XYLT1: variants seen among roughly 807,000 people sequenced by gnomAD.
XYLT1 encodes the protein beta-D-xylosyltransferase 1.
In XYLT1, 36 loss-of-function variants were observed where a neutral mutation model predicts 91.3. That is an observed-to-expected ratio of 0.39 (90% CI 0.30 to 0.52). The LOEUF (loss-of-function observed/expected upper bound fraction) is 0.52, where lower values mean the gene tolerates loss of function less well. Ranked by LOEUF, XYLT1 falls within the 20% of genes least tolerant of loss-of-function variation. The pLI, the probability that XYLT1 is intolerant of heterozygous loss-of-function variation, is 0.68. For missense variants in XYLT1, 1,242 were observed against 1,284.5 expected (o/e 0.97, Z 0.51); for synonymous variants, 588 against 532.0 (o/e 1.11, Z -1.45).
intron 9 of XYLT1, among the ~76,000 whole-genome samples, chr16:17,133,750 G>GAATT (rs928164853): frequency 6.6e-6 from 1 of 152,140 alleles, no homozygotes; most frequent in Admixed American, 6.5e-5. Flanking sequence ...GGATTATGTT[G>GAATT]AATTATTTTC....
chr16:17,396,059 C>T (rs918614624), intron 1 of XYLT1, among the ~76,000 whole-genome samples: 3 of 152,168 alleles, frequency 2.0e-5, no homozygotes, highest in Non-Finnish European at 2.9e-5. Context: ...GCCAAATTCT[C>T]GACGCATGAA....
intron 6 of XYLT1, among the ~76,000 whole-genome samples, chr16:17,143,012 A>G (rs1288924183): frequency 6.6e-6 from 1 of 152,120 alleles, no homozygotes; most frequent in Non-Finnish European, 1.5e-5. Context: ...TGTAGTAACT[A>G]TATACATATA....
intron 3 of XYLT1, among the ~76,000 whole-genome samples, chr16:17,210,651 ATCT>A (rs1276810349): frequency 1.3e-5 from 2 of 152,146 alleles, no homozygotes. Flanking sequence ...GGCTCAAGTG[ATCT>A]TCCCCCTTCA....
chr16:17,252,062 T>A (rs2033549093), intron 3 of XYLT1, among the ~76,000 whole-genome samples: 2 of 152,142 alleles, frequency 1.3e-5, no homozygotes. Flanking sequence ...TTCCTCTTCT[T>A]GTCGCCCCTT....
chr16:17,111,958 G>A (rs1311028361), intron 11 of XYLT1, among the ~76,000 whole-genome samples: 2 of 152,164 alleles, frequency 1.3e-5, no homozygotes, highest in East Asian at 3.9e-4. Flanking sequence ...GCTGTCTTTG[G>A]TGCGGGCCCT....
intron 3 of XYLT1, among the ~76,000 whole-genome samples, chr16:17,217,476 T>C (rs1401768348): frequency 6.6e-6 from 1 of 152,228 alleles, no homozygotes; most frequent in Non-Finnish European, 1.5e-5. Flanking sequence ...TAATCATGTA[T>C]GTTCTGCTTT....
At position 17,259,522 on chromosome 16, in the gene XYLT1, G is replaced by A. The variant is rs376903044; in HGVS notation, c.403-24C>T. On this transcript the variant is annotated intron_variant, in intron 2 of 11. Transcript: ENST00000261381. ...TCCTGGAGAAGAGGGGAGAGAAACA[G>A]AAGAGAAACTTGACTGAGAGATCAT... is the stretch of plus-strand genomic sequence containing the variant. 6.9e-6 allele frequency: 11 copies of A among 1,595,226 alleles called. No individual in the cohort carries two copies. The African/African-American group carries it at 1.3e-4, about 19-fold the overall frequency.
In XYLT1 at chr16:17,104,814, T is replaced by G. The variant is rs552555800; in HGVS notation, c.*3881A>C. On this transcript the variant is annotated 3_prime_UTR_variant, in exon 12 of 12. Transcript: ENST00000261381. ...GTAGCAGCTGCTCATTCTGGGTAGG[T>G]CACGTGCATGCCAGTAAGACCACAG... 8 of 152,342 alleles carry G rather than the reference T, an allele frequency of 5.3e-5. No homozygotes were observed. The highest frequency in any genetic ancestry group is 1.9e-4 in the African/African-American group (8 of 41,556). The allele number at this position is 152,342 out of a possible 1,614,324, so 9.4% of individuals were successfully genotyped here. A position where few individuals can be genotyped will look rare whatever the true frequency, so the allele number is the denominator to read the frequency against.
rs564903479 is a variant in XYLT1, at chr16:17,104,610, C to G, written c.*4085G>C. 1.3e-5 allele frequency: 2 copies of G among 152,142 alleles called. No individual in the cohort carries two copies. The highest frequency in any genetic ancestry group is 2.9e-5 in the Non-Finnish European group (2 of 68,028). 9.4% of individuals were successfully genotyped at this position (152,142 alleles called of 1,614,324 possible). On this transcript the variant is annotated 3_prime_UTR_variant, in exon 12 of 12. Coordinates refer to ENST00000261381, the MANE Select transcript of XYLT1 (RefSeq NM_022166.4). ...GGTTGCTGGCAGTGTACACGTGGAA[C>G]AGTGGAATTTTTCTTTGCCCACTAT...
At chr16:17,229,617 G>A (rs1434317349) in intron 3 of XYLT1, among the ~76,000 whole-genome samples, 1 of 152,220 alleles carries the variant, frequency 6.6e-6, no homozygotes, top group African/African-American at 2.4e-5. Flanking sequence ...CCTAACAGAG[G>A]TGATCCATTC....
chr16:17,337,428 G>T (rs957276065), intron 2 of XYLT1, among the ~76,000 whole-genome samples: 1 of 152,132 alleles, frequency 6.6e-6, no homozygotes, highest in Non-Finnish European at 1.5e-5. Flanking sequence ...CAAGCGATTG[G>T]CCAGCCTCAG....
chr16:17,376,266 C>G (rs1389399252), intron 1 of XYLT1, among the ~76,000 whole-genome samples: 2 of 152,166 alleles, frequency 1.3e-5, no homozygotes, highest in Non-Finnish European at 2.9e-5. Context: ...GGATGGCGCT[C>G]CATATCCTAC....
chr16:17,298,036 T>A (rs950288808), intron 2 of XYLT1, among the ~76,000 whole-genome samples: 3 of 150,236 alleles, frequency 2.0e-5, no homozygotes, highest in Non-Finnish European at 3.0e-5. Context: ...AAAAAAAAAA[T>A]TATTCCTGCC....
rs760492677 is a variant in XYLT1 at position 17,393,448 on chromosome 16, C to G, written c.364-35398G>C. Among the ~76,000 whole-genome samples, 63 of 152,242 alleles carry G rather than the reference C, an allele frequency of 4.1e-4. 1 individual carries two copies. The highest frequency in any genetic ancestry group is 2.9e-3 in the East Asian group (15 of 5,180). ...CATGAAGTAATTCTCATCATCCCCC[C>G]CAACCACCCTCCCACTCTTCACAGT... On this transcript the variant is annotated intron_variant, in intron 1 of 11. Coordinates refer to ENST00000261381, the MANE Select transcript of XYLT1 (RefSeq NM_022166.4).
chr16:17,307,140 A>G (rs1021247950), intron 2 of XYLT1, among the ~76,000 whole-genome samples: 3 of 152,150 alleles, frequency 2.0e-5, no homozygotes, highest in Non-Finnish European at 4.4e-5. Flanking sequence ...GTGCAATGAC[A>G]TTATCTCAGG....
intron 6 of XYLT1, among the ~76,000 whole-genome samples, chr16:17,144,751 A>T (rs1222643253): frequency 2.0e-5 from 3 of 152,248 alleles, no homozygotes; most frequent in Non-Finnish European, 4.4e-5. Context: ...AGGGGATCTA[A>T]GTGTCTCGAG....
intron 11 of XYLT1, 143 bp downstream of exon 11, chr16:17,117,503 A>G (rs926824230): frequency 2.3e-6 from 2 of 852,308 alleles, no homozygotes; most frequent in East Asian, 5.4e-5. Flanking sequence ...GGAAACACAG[A>G]GAAAAGTATT....
chr16:17,110,090 C>A lies in XYLT1; in HGVS notation c.2558-1073G>T, dbSNP rs146893950. Among the ~76,000 whole-genome samples the A allele has an allele frequency of 3.9e-5, 6 of 152,310 alleles. No individual in the cohort carries two copies. The East Asian group carries it at 1.2e-3, about 29-fold the overall frequency. ...CATGCTGTCTGGTTTTGCAGCCCCACGTCCAACATACCAGGTGTGTGACTT... is the reference window on the plus strand; with the variant it reads ...CATGCTGTCTGGTTTTGCAGCCCCAAGTCCAACATACCAGGTGTGTGACTT... On this transcript the variant is annotated intron_variant, in intron 11 of 11. Coordinates refer to ENST00000261381, the MANE Select transcript of XYLT1 (RefSeq NM_022166.4).
At position 17,132,117 on chromosome 16, in the gene XYLT1, C is replaced by G. The variant is rs186106475; in HGVS notation, c.2027+2356G>C. Among the ~76,000 whole-genome samples the G allele has an allele frequency of 4.7e-3, 714 of 152,246 alleles. 2 individuals carry two copies. Among genetic ancestry groups the G allele is most frequent in the Non-Finnish European group, 7.5e-3 (508 of 68,016 alleles). Reference sequence around the variant, plus strand: ...TACCTTATACATTCTAGGAAGCCTGCAACTGTAATTATTATGGAACGACAT... The same window carrying G: ...TACCTTATACATTCTAGGAAGCCTGGAACTGTAATTATTATGGAACGACAT... On this transcript the variant is annotated intron_variant, in intron 9 of 11. Transcript: ENST00000261381.
Sources: gnomAD v4.1 joint callset for allele counts (sites outside exome capture counted in the v4.1 genomes callset) on GRCh38, gnomAD v4.1.1 for gene constraint, MANE v1.5 for transcripts, NCBI Gene and HGNC (gene_info 2026-07-23, HGNC 2026-07-21) for gene names.